The following GREP1 variants were observed in gnomAD, a reference collection of about 807,000 sequenced individuals.
GREP1 encodes the protein glycine rich extracellular protein 1.
intron 5 of GREP1, 35 bp downstream of exon 5, chr16:2,990,157 C>T: frequency 7.5e-6 from 3 of 399,150 alleles, no homozygotes; most frequent in Non-Finnish European, 1.3e-5. Flanking sequence ...TCCCTCCCTC[C>T]CAGGCCTCAG....
At chr16:2,996,189 TC>T (rs2072424074) in intron 18 of GREP1, among the ~76,000 whole-genome samples, 1 of 152,192 alleles carries the variant, frequency 6.6e-6, no homozygotes, top group African/African-American at 2.4e-5. Context: ...TGCCTTGGCT[TC>T]CCAAAGTGCT....
At chr16:2,997,139 C>G in intron 21 of GREP1, 54 bp downstream of exon 20, 1 of 399,156 alleles carries the variant, frequency 2.5e-6, no homozygotes, top group Non-Finnish European at 4.4e-6. Flanking sequence ...AGCTCCCTCC[C>G]TCATTCATAC....
At position 2,997,221 on chromosome 16, in the gene GREP1, C is replaced by T. The variant is rs1309187402; in HGVS notation, c.886+136C>T. On this transcript the variant is annotated intron_variant, in intron 21 of 34. Transcript: ENST00000573315. ...CAGTGAGGGGGTGTCGGGCTGATGTCCCTGTCTCCCTCCCAGGCCTCCAGA... is the reference window on the plus strand; with the variant it reads ...CAGTGAGGGGGTGTCGGGCTGATGTTCCTGTCTCCCTCCCAGGCCTCCAGA... 3 of 398,810 alleles carry T rather than the reference C, an allele frequency of 7.5e-6. No individual in the cohort carries two copies. The Admixed American group carries it at 1.3e-4, about 18-fold the overall frequency. 24.7% of individuals were successfully genotyped at this position (398,810 alleles called of 1,614,324 possible).
chr16:3,000,435 A>C lies in GREP1; in HGVS notation c.1328-2A>C. ...CCTCTGACACCCTCTTTCCTCCTCC[A>C]GGGTTCCATGGGGCCAATGGTTTTA... On this transcript the variant is annotated splice_acceptor_variant, in intron 30 of 34. Transcript: ENST00000573315. LOFTEE classifies it high-confidence loss of function. 1 of 399,206 alleles carries C rather than the reference A, an allele frequency of 2.5e-6. No individual in the cohort carries two copies. The highest frequency in any genetic ancestry group is 4.4e-6 in the Non-Finnish European group (1 of 226,216). 24.7% of individuals were successfully genotyped at this position (399,206 alleles called of 1,614,324 possible). A position where few individuals can be genotyped will look rare whatever the true frequency, so the allele number is the denominator to read the frequency against.
chr16:2,997,371 A>T, intron 21 of GREP1: 1 of 397,408 alleles, frequency 2.5e-6, no homozygotes, highest in Non-Finnish European at 4.4e-6. Flanking sequence ...CCCCCTGCTC[A>T]CCCCTCCCTC....
At position 2,994,907 on chromosome 16, in the gene GREP1, G is replaced by A. The variant is rs913663967; in HGVS notation, c.449-20G>A. 1.8e-5 allele frequency: 7 copies of A among 399,040 alleles called. No individual in the cohort carries two copies. Among genetic ancestry groups the A allele is most frequent in the African/African-American group, 6.2e-5 (3 of 48,574 alleles). 24.7% of individuals were successfully genotyped at this position (399,040 alleles called of 1,614,324 possible). A position where few individuals can be genotyped will look rare whatever the true frequency, so the allele number is the denominator to read the frequency against. ...AGCTCCCTCCCCTCATTCATACCCC[G>A]CCTTGATCTATTCCCCCAGGATTCC... On this transcript the variant is annotated intron_variant, in intron 12 of 34. Coordinates refer to ENST00000573315, the Ensembl canonical transcript of GREP1.
chr16:3,001,655 G>A (rs1355996182), exon 35 of GREP1: 3 of 399,148 alleles, frequency 7.5e-6, no homozygotes, highest in Non-Finnish European at 1.3e-5. Flanking sequence ...GGTGCTGCCT[G>A]GCCGGGGGTC....
rs75420431 is a variant in GREP1 at position 2,997,051 on chromosome 16, A to G, written c.852A>G (p.Pro284=). The change falls in exon 21 of 35, where the codon CCA becomes CCG. Residue 284 remains proline, a synonymous_variant. Transcript: ENST00000573315. ...CTCACTTGCTCCCTTTCTCTTCACC[A>G]GGCTATTTGGGGGTTATGAAGGCCC... is the stretch of plus-strand genomic sequence containing the variant. 1,957 of 399,040 alleles carry G rather than the reference A, an allele frequency of 4.9e-3. 35 individuals carry two copies. Among genetic ancestry groups the G allele is most frequent in the African/African-American group, 0.037 (1,815 of 48,668 alleles). The allele number at this position is 399,040 out of a possible 1,614,324, so 24.7% of individuals were successfully genotyped here.
chr16:2,996,951 G>A (rs1238577655), exon 21 of GREP1: 3 of 399,022 alleles, frequency 7.5e-6, no homozygotes, highest in Non-Finnish European at 1.3e-5. Flanking sequence ...ACAGGCCTGG[G>A]AGCTCCAAAC....
exon 24 of GREP1, chr16:2,998,362 G>A (rs541126610): frequency 1.5e-5 from 6 of 399,310 alleles, no homozygotes; most frequent in South Asian, 1.3e-4. Context: ...CCAGGCCTGC[G>A]AGGGACCTTG....
intron 15 of GREP1, 27 bp from the exon 16 acceptor site, chr16:2,995,592 C>T (rs1395429727): frequency 7.5e-6 from 3 of 398,680 alleles, no homozygotes; most frequent in Non-Finnish European, 1.3e-5. Context: ...AACCCCAAAT[C>T]CCCACCCCAC....
Position 2,992,709 on chromosome 16 carries a change from G to A in GREP1, c.323-96G>A. On this transcript the variant is annotated intron_variant, in intron 8 of 34. Coordinates refer to ENST00000573315, the Ensembl canonical transcript of GREP1. This position sits in a 1 kb window ranked among gnomAD's most constrained non-coding sequence, Gnocchi z 4.9. ...CACAAGACAGAAAGGCAGAGGGCAGGGGTCACGCGAGACAGAAAGGGAGAG... is the reference window on the plus strand; with the variant it reads ...CACAAGACAGAAAGGCAGAGGGCAGAGGTCACGCGAGACAGAAAGGGAGAG... The A allele has an allele frequency of 2.5e-6, 1 of 397,834 alleles. No individual in the cohort carries two copies. The highest frequency in any genetic ancestry group is 4.4e-6 in the Non-Finnish European group (1 of 225,682). 24.6% of individuals were successfully genotyped at this position (397,834 alleles called of 1,614,324 possible). A position where few individuals can be genotyped will look rare whatever the true frequency, so the allele number is the denominator to read the frequency against.
chr16:2,999,863 G>C (rs2072449868), intron 27 of GREP1, 39 bp from the exon 25 acceptor site: 1 of 398,950 alleles, frequency 2.5e-6, no homozygotes, highest in African/African-American at 2.1e-5. Flanking sequence ...AGTCAGGGGA[G>C]ACCTGGGTCC....
chr16:2,997,223 C>T (rs887131306), intron 21 of GREP1, 138 bp downstream of exon 20: 14 of 398,816 alleles, frequency 3.5e-5, no homozygotes, highest in Non-Finnish European at 6.2e-5. Context: ...GCTGATGTCC[C>T]TGTCTCCCTC....
chr16:2,990,444 C>T, intron 5 of GREP1, 108 bp from the exon 6 acceptor site: 1 of 399,090 alleles, frequency 2.5e-6, no homozygotes, highest in Non-Finnish European at 4.4e-6. Flanking sequence ...TGATCCCCCT[C>T]TCTTTCCCAG....
rs188537813 is a variant in GREP1, at chr16:2,992,508, C to A, written c.323-297C>A. 8.5e-4 allele frequency: 218 copies of A among 257,152 alleles called. 1 individual carries two copies. The highest frequency in any genetic ancestry group is 4.3e-3 in the African/African-American group (195 of 45,334). The allele number at this position is 257,152 out of a possible 1,614,324, so 15.9% of individuals were successfully genotyped here. ...CCCAGGGCCACACTCTGGGTCCCAACAGATGGGCTCTTGGGGGTTCATTCA... is the reference window on the plus strand; with the variant it reads ...CCCAGGGCCACACTCTGGGTCCCAAAAGATGGGCTCTTGGGGGTTCATTCA... On this transcript the variant is annotated intron_variant, in intron 8 of 34. Transcript: ENST00000573315. The surrounding 1 kb of genome is among the most constrained non-coding windows in gnomAD (Gnocchi z 4.9).
At chr16:3,001,709 G>A (rs746314818) in exon 35 of GREP1, 5 of 398,582 alleles carry the variant, frequency 1.3e-5, no homozygotes, top group East Asian at 3.6e-5. Flanking sequence ...GCTTGCCTCC[G>A]CGTGCCATGC....
chr16:2,994,782 A>G (rs573256689), intron 11 of GREP1, 24 bp from the exon 13 acceptor site: 319 of 399,052 alleles, frequency 8.0e-4, no homozygotes, highest in African/African-American at 6.0e-3. Flanking sequence ...CAGGTTCCTC[A>G]CCTGCTCCCT....
chr16:2,989,599 G>A lies in GREP1; in HGVS notation c.130+47G>A, dbSNP rs575836093. On this transcript the variant is annotated intron_variant, in intron 3 of 34. Transcript: ENST00000573315. The surrounding 1 kb of genome is among the most constrained non-coding windows in gnomAD (Gnocchi z 4.2). Reference sequence around the variant, plus strand: ...GGAGGCGTCTGAGGGCAGGGCACGGGGCAGGGGGGAGGCAGGACAGGAACA... The same window carrying A: ...GGAGGCGTCTGAGGGCAGGGCACGGAGCAGGGGGGAGGCAGGACAGGAACA... 240 of 400,566 alleles carry A rather than the reference G, an allele frequency of 6.0e-4. 4 individuals carry two copies. In the East Asian group the frequency reaches 8.2e-3, roughly 14 times the overall value. 24.8% of individuals were successfully genotyped at this position (400,566 alleles called of 1,614,324 possible). A position where few individuals can be genotyped will look rare whatever the true frequency, so the allele number is the denominator to read the frequency against.
Sources: allele counts gnomAD v4.1 joint callset (sites outside exome capture counted in the v4.1 genomes callset), GRCh38; gene constraint gnomAD v4.1.1; non-coding constraint Gnocchi (gnomAD v3.1); transcripts MANE v1.5; gene names NCBI Gene and HGNC (gene_info 2026-07-23, HGNC 2026-07-21).